The following JADE3 variants were observed in gnomAD, a reference collection of about 807,000 sequenced individuals.
JADE3 encodes the protein jade family PHD finger 3.
A neutral mutation model predicts 50.1 loss-of-function variants in JADE3; 2 were observed. The observed-to-expected ratio is 0.04, with a 90% CI of 0.02 to 0.13. JADE3 has a LOEUF of 0.13. Ranked by LOEUF, JADE3 falls within the 10% of genes least tolerant of loss-of-function variation. The pLI, the probability that JADE3 is intolerant of heterozygous loss-of-function variation, is 1.00. For missense variants in JADE3, 475 were observed against 634.4 expected (o/e 0.75, Z 2.70); for synonymous variants, 218 against 232.9 (o/e 0.94, Z 0.58).
intron 1 of JADE3, among the ~76,000 whole-genome samples, chrX:46,953,379 A>G (rs1274641706): frequency 1.1e-4 from 12 of 111,647 alleles, no homozygotes; most frequent in African/African-American, 3.9e-4. Context: ...TGGTTAAGTC[A>G]CTGCCAGTTC....
chrX:46,955,291 G>A (rs782772409), intron 1 of JADE3, among the ~76,000 whole-genome samples: 3 of 112,447 alleles, frequency 2.7e-5, no homozygotes, highest in Non-Finnish European at 5.6e-5. Flanking sequence ...ATTTCAGTGG[G>A]ATGTTTCTGT....
intron 1 of JADE3, among the ~76,000 whole-genome samples, chrX:46,970,025 T>A (rs2147124027): frequency 8.9e-6 from 1 of 111,847 alleles, no homozygotes; most frequent in South Asian, 3.8e-4. Flanking sequence ...GTCAATGTAA[T>A]CAAAAACAGA....
intron 9 of JADE3, among the ~76,000 whole-genome samples, chrX:47,055,134 C>T (rs1348612845): frequency 9.0e-6 from 1 of 110,966 alleles, no homozygotes; most frequent in African/African-American, 3.3e-5. Context: ...CCCGCACACA[C>T]ACCCCCAGCG....
chrX:47,003,560 A>G (rs1328738883), intron 4 of JADE3, among the ~76,000 whole-genome samples: 1 of 103,664 alleles, frequency 9.6e-6, no homozygotes, highest in East Asian at 2.9e-4. Flanking sequence ...TTCCCGAGGA[A>G]TATTGACCTG....
At chrX:47,023,855 G>A (rs1023986405) in intron 4 of JADE3, among the ~76,000 whole-genome samples, 6 of 112,227 alleles carry the variant, frequency 5.3e-5, no homozygotes, top group African/African-American at 1.9e-4. Flanking sequence ...GCAGTGAGCC[G>A]AGACCATGCC....
chrX:47,034,669 G>A lies in JADE3; in HGVS notation c.855+881G>A, dbSNP rs1264718737. 2.7e-5 allele frequency among the ~76,000 whole-genome samples: 3 copies of A among 109,648 alleles called. No homozygotes were observed. In the East Asian group the frequency reaches 8.5e-4, roughly 31 times the overall value. ...GGCTGGAGTGCAGTGGCGCTATCTC[G>A]GCTCACTGCAAACTTCACCTCTCAG... is the stretch of plus-strand genomic sequence containing the variant. On this transcript the variant is annotated intron_variant, in intron 7 of 10. Coordinates refer to ENST00000614628, the MANE Select transcript of JADE3 (RefSeq NM_014735.5).
At chrX:47,042,563 T>G (rs1472907807) in intron 8 of JADE3, among the ~76,000 whole-genome samples, 1 of 111,997 alleles carries the variant, frequency 8.9e-6, no homozygotes, top group Non-Finnish European at 1.9e-5. Flanking sequence ...CTTACCAAAT[T>G]GAGACTCTTA....
intron 4 of JADE3, among the ~76,000 whole-genome samples, chrX:47,018,687 C>T (rs1928730399): frequency 8.9e-6 from 1 of 112,225 alleles, no homozygotes; most frequent in African/African-American, 3.2e-5. Flanking sequence ...AGTCCTTTTG[C>T]AGTTTTCCAG....
chrX:47,007,413 A>C (rs1928453493), intron 4 of JADE3, among the ~76,000 whole-genome samples: 1 of 111,413 alleles, frequency 9.0e-6, no homozygotes, highest in Non-Finnish European at 1.9e-5. Flanking sequence ...GTCCATTTCC[A>C]CTTTGAGTTC....
At chrX:46,917,819 C>CA (rs1225037377) in intron 1 of JADE3, among the ~76,000 whole-genome samples, 1 of 84,301 alleles carries the variant, frequency 1.2e-5, no homozygotes, top group Non-Finnish European at 2.3e-5. Flanking sequence ...CTCTCTCTCT[C>CA]TCACTCTCTC....
chrX:46,937,045 C>A (rs1926639619), intron 1 of JADE3, among the ~76,000 whole-genome samples: 1 of 110,986 alleles, frequency 9.0e-6, no homozygotes, highest in African/African-American at 3.3e-5. Flanking sequence ...TTTTTGAGAC[C>A]TTTTTTCCTC....
In JADE3 at chrX:47,054,164, A is replaced by G; in HGVS notation, c.979A>G (p.Ile327Val). The change falls in exon 9 of 11, where the codon ATA becomes GTA. Residue 327 changes from isoleucine to valine, a missense_variant. By Grantham distance (29) the Ile-to-Val change is conservative (BLOSUM62 3). Transcript: ENST00000614628. ...LKTGACIQCSIKSCITAFHVT... is the reference protein window; with the variant it reads ...LKTGACIQCSVKSCITAFHVT... ...ACCTATTTTCTTCCTACAGTGCTCT[A>G]TAAAAAGCTGCATCACTGCCTTCCA... 1 of 1,200,422 alleles carries G rather than the reference A, an allele frequency of 8.3e-7. No individual in the cohort carries two copies.
rs192164839 is a variant in JADE3, at chrX:46,961,862, A to G, written c.-11-23022A>G. Among the ~76,000 whole-genome samples, 639 of 112,361 alleles carry G rather than the reference A, an allele frequency of 5.7e-3. 2 individuals are homozygous for G. Among genetic ancestry groups the G allele is most frequent in the Non-Finnish European group, 9.3e-3 (493 of 53,284 alleles). On this transcript the variant is annotated intron_variant, in intron 1 of 10. Transcript: ENST00000614628. ...TTTCTCATGAAATAACATTTACCAT[A>G]AAAAAGACTGCGTTTATACTTGGGT...
chrX:46,999,505 T>C (rs1432088522), intron 4 of JADE3, among the ~76,000 whole-genome samples: 1 of 103,278 alleles, frequency 9.7e-6, no homozygotes. Context: ...CTTAAAGTAA[T>C]GGTATCTATA....
chrX:47,010,151 CTG>C (rs1928525260), intron 4 of JADE3, among the ~76,000 whole-genome samples: 3 of 111,400 alleles, frequency 2.7e-5, no homozygotes. Flanking sequence ...CACATGACCT[CTG>C]TGGTTTTCAT....
At chrX:46,969,574 C>T (rs782461757) in intron 1 of JADE3, among the ~76,000 whole-genome samples, 36 of 112,278 alleles carry the variant, frequency 3.2e-4, no homozygotes, top group African/African-American at 1.1e-3. Flanking sequence ...CAGTGGCTCA[C>T]GCCTGTAATC....
chrX:46,956,455 A>G (rs1459813322), intron 1 of JADE3, among the ~76,000 whole-genome samples: 1 of 113,090 alleles, frequency 8.8e-6, no homozygotes, highest in Non-Finnish European at 1.9e-5. Flanking sequence ...GAATAATATG[A>G]TAAATACTCA....
chrX:47,008,772 CAG>C (rs1183109192), intron 4 of JADE3, among the ~76,000 whole-genome samples: 6 of 110,633 alleles, frequency 5.4e-5, no homozygotes, highest in Admixed American at 2.9e-4. Context: ...TGGGAGGAGA[CAG>C]GGAAGCAGGA....
At chrX:46,986,032 C>A (rs913060685) in intron 3 of JADE3, among the ~76,000 whole-genome samples, 1 of 111,067 alleles carries the variant, frequency 9.0e-6, no homozygotes, top group East Asian at 2.8e-4. Context: ...GCACCTCCTC[C>A]CATTCTCTCT....
Sources: allele counts gnomAD v4.1 joint callset (sites outside exome capture counted in the v4.1 genomes callset), GRCh38; gene constraint gnomAD v4.1.1; transcripts MANE v1.5; gene names NCBI Gene and HGNC (gene_info 2026-07-23, HGNC 2026-07-21).